The following TBC1D5 variants were observed in gnomAD, a reference collection of about 807,000 sequenced individuals.
TBC1D5 encodes the protein TBC1 domain family, member 5.
Under a neutral mutation model 100.3 loss-of-function variants are expected in TBC1D5, and 75 were observed. That is an observed-to-expected ratio of 0.75 (90% CI 0.62 to 0.91). The LOEUF is 0.91. Among genes scored for constraint, TBC1D5 ranks in the 40% least tolerant of loss-of-function variants. The pLI, the probability that TBC1D5 is intolerant of heterozygous loss-of-function variation, is 0.00. For missense variants in TBC1D5, 910 were observed against 942.4 expected, an observed-to-expected ratio of 0.97 and a Z score of 0.45; for synonymous variants, 323 against 325.6, an observed-to-expected ratio of 0.99 and a Z score of 0.09.
chr3:17,277,746 T>C (rs1420672022), intron 15 of TBC1D5, among the ~76,000 whole-genome samples: 1 of 152,168 alleles, frequency 6.6e-6, no homozygotes, highest in Non-Finnish European at 1.5e-5. Context: ...ATTAGGAATC[T>C]GCAAGAAAGG....
At chr3:17,287,392 A>G (rs985877311) in intron 15 of TBC1D5, among the ~76,000 whole-genome samples, 6 of 152,242 alleles carry the variant, frequency 3.9e-5, no homozygotes, top group Non-Finnish European at 8.8e-5. Flanking sequence ...TGCCGTGGGA[A>G]CTCAAAGGAG....
intron 3 of TBC1D5, among the ~76,000 whole-genome samples, chr3:17,492,026 G>A (rs991986054): frequency 1.2e-4 from 18 of 152,114 alleles, no homozygotes; most frequent in Admixed American, 9.8e-4. Flanking sequence ...AGTCATGGGA[G>A]GGTGTATGTG....
chr3:17,414,127 C>A (rs1407061682), intron 4 of TBC1D5, among the ~76,000 whole-genome samples: 1 of 152,108 alleles, frequency 6.6e-6, no homozygotes, highest in African/African-American at 2.4e-5. Context: ...GCCAGTCAAC[C>A]AGATCATTTC....
At chr3:17,485,022 G>T (rs150766750) in intron 3 of TBC1D5, among the ~76,000 whole-genome samples, 6 of 151,890 alleles carry the variant, frequency 4.0e-5, no homozygotes, top group Admixed American at 3.9e-4. Flanking sequence ...AACATAAGAT[G>T]AAAATTATAT....
chr3:17,352,981 A>G (rs2090818760), intron 13 of TBC1D5, among the ~76,000 whole-genome samples: 1 of 152,098 alleles, frequency 6.6e-6, no homozygotes, highest in Non-Finnish European at 1.5e-5. Context: ...CAGTAAAAGA[A>G]AAAAAAGAAA....
At chr3:17,522,746 T>C (rs1407827579) in intron 2 of TBC1D5, among the ~76,000 whole-genome samples, 1 of 152,130 alleles carries the variant, frequency 6.6e-6, no homozygotes, top group Non-Finnish European at 1.5e-5. Context: ...GGTAAAAGAA[T>C]GTAGCATACT....
chr3:17,620,845 C>T (rs553919152), intron 2 of TBC1D5, among the ~76,000 whole-genome samples: 7 of 151,990 alleles, frequency 4.6e-5, no homozygotes, highest in Non-Finnish European at 8.8e-5. Context: ...AACTATATTT[C>T]AAATTAATAT....
At chr3:17,195,620 A>T (rs1248665223) in intron 18 of TBC1D5, among the ~76,000 whole-genome samples, 1 of 152,206 alleles carries the variant, frequency 6.6e-6, no homozygotes, top group Non-Finnish European at 1.5e-5. Flanking sequence ...GACCTCTATA[A>T]TGTCCCAATA....
chr3:17,359,059 AAACTATAAAAAT>A (rs147733631), intron 13 of TBC1D5, among the ~76,000 whole-genome samples: 13,691 of 152,060 alleles, frequency 0.09, 1,420 homozygotes, highest in African/African-American at 0.26. Flanking sequence ...AATCTATTTA[AAACTATAAAAAT>A]AAGAAATTTG....
chr3:17,583,365 G>T (rs193036691), intron 2 of TBC1D5, among the ~76,000 whole-genome samples: 3 of 151,926 alleles, frequency 2.0e-5, no homozygotes, highest in East Asian at 3.9e-4. Context: ...TCATTTATCG[G>T]TATCATAAGA....
chr3:17,272,510 A>T lies in TBC1D5; in HGVS notation c.1246-13919T>A, dbSNP rs148505387. 1.1e-4 allele frequency among the ~76,000 whole-genome samples: 17 copies of T among 152,342 alleles called. No individual in the cohort carries two copies. The East Asian group carries it at 3.3e-3, about 29-fold the overall frequency. ...ACATCAGTTATTATTTACTGGTACC[A>T]AGTAGGTGCCAGACCACATTAGTTC... On this transcript the variant is annotated intron_variant, in intron 15 of 21. Coordinates refer to ENST00000253692, the Ensembl canonical transcript of TBC1D5.
chr3:17,531,655 A>G (rs2096227631), intron 2 of TBC1D5, among the ~76,000 whole-genome samples: 2 of 152,162 alleles, frequency 1.3e-5, no homozygotes, highest in Admixed American at 6.5e-5. Flanking sequence ...CAATGGAACA[A>G]AACAGAGCCC....
At chr3:17,629,312 G>A (rs1419459756) in intron 1 of TBC1D5, among the ~76,000 whole-genome samples, 4 of 152,108 alleles carry the variant, frequency 2.6e-5, no homozygotes, top group Non-Finnish European at 4.4e-5. Context: ...TTTGATTAAT[G>A]TAGTATAATC....
chr3:17,185,029 C>A (rs1485923726), intron 19 of TBC1D5, 80 bp downstream of exon 20: 2 of 1,280,000 alleles, frequency 1.6e-6, no homozygotes, highest in Non-Finnish European at 2.2e-6. Context: ...CAGCTTAGCA[C>A]AAGGCCTAGA....
chr3:17,419,678 T>G (rs535131308), intron 4 of TBC1D5, among the ~76,000 whole-genome samples: 2 of 152,118 alleles, frequency 1.3e-5, no homozygotes, highest in Middle Eastern at 3.4e-3. Context: ...TTTTGTTTTG[T>G]TTTTATTTTT....
intron 17 of TBC1D5, among the ~76,000 whole-genome samples, chr3:17,226,805 T>C (rs762303704): frequency 6.6e-6 from 1 of 152,230 alleles, no homozygotes; most frequent in Non-Finnish European, 1.5e-5. Context: ...GTCTTCAGAA[T>C]TTCTGACCCA....
intron 2 of TBC1D5, among the ~76,000 whole-genome samples, chr3:17,591,016 G>C (rs1238793638): frequency 6.6e-6 from 1 of 151,894 alleles, no homozygotes; most frequent in African/African-American, 2.4e-5. Context: ...GAGACAGGCA[G>C]ATCACGAGGT....
intron 2 of TBC1D5, chr3:17,546,990 A>C (rs2096423241): frequency 6.6e-6 from 1 of 152,212 alleles, no homozygotes; most frequent in Non-Finnish European, 1.5e-5. Flanking sequence ...CCTACAATTA[A>C]ATGATTCAGC....
chr3:17,690,916 A>G (rs1312003568), intron 1 of TBC1D5, among the ~76,000 whole-genome samples: 4 of 152,226 alleles, frequency 2.6e-5, no homozygotes, highest in African/African-American at 4.8e-5. Context: ...GTAAAGCTAG[A>G]TATCTTGAGA....
Sources: gnomAD v4.1 joint callset for allele counts (sites outside exome capture counted in the v4.1 genomes callset) on GRCh38, gnomAD v4.1.1 for gene constraint, MANE v1.5 for transcripts, NCBI Gene and HGNC (gene_info 2026-07-23, HGNC 2026-07-21) for gene names.